The following IL4R variants were observed in gnomAD, a reference collection of about 807,000 sequenced individuals.
IL4R encodes the protein interleukin 4 receptor, also known as interleukin-4 receptor subunit alpha.
Under a neutral mutation model 41.5 loss-of-function variants are expected in IL4R, and 17 were observed. The observed-to-expected ratio is 0.41, with a 90% CI of 0.28 to 0.61. The LOEUF (loss-of-function observed/expected upper bound fraction) is 0.61, where lower values mean the gene tolerates loss of function less well. IL4R is among the 20% of genes least tolerant of loss of function. IL4R has a pLI of 0.31. For synonymous variants in IL4R, 402 were observed against 422.9 expected, an observed-to-expected ratio of 0.95 and a Z score of 0.61; for missense variants, 974 against 1,043.1, an observed-to-expected ratio of 0.93 and a Z score of 0.91.
At position 27,360,775 on chromosome 16, in the gene IL4R, T is replaced by G; in HGVS notation, c.859T>G (p.Trp287Gly). ...TGTCTCTGTATTTTAGGGGTCACAG[T>G]GGGAGAAGCGGTCCCGAGGCCAGGA... The part of the protein sequence containing the change: ...IIIQDAQGSQ[W>G]EKRSRGQEPA... The change falls in exon 10 of 11, where the codon TGG becomes GGG. Residue 287 changes from tryptophan (W) to glycine (G), a missense_variant. By Grantham distance (184) the Trp-to-Gly change is radical (BLOSUM62 -2). Around this residue, in one of 3 missense-constraint regions of IL4R, gnomAD observed 682 missense variants for 704.3 expected, o/e 0.97. Transcript: ENST00000395762. The G allele has an allele frequency of 6.2e-7, 1 of 1,614,034 alleles. No individual in the cohort carries two copies. The highest frequency in any genetic ancestry group is 8.5e-7 in the Non-Finnish European group (1 of 1,180,004).
At chr16:27,361,753 C>G (rs1339705710) in intron 10 of IL4R, among the ~76,000 whole-genome samples, 1 of 151,620 alleles carries the variant, frequency 6.6e-6, no homozygotes, top group Non-Finnish European at 1.5e-5. Context: ...TACAGTCATA[C>G]ACCAACATGC....
At chr16:27,334,657 G>T (rs1052809372) in intron 2 of IL4R, among the ~76,000 whole-genome samples, 1 of 152,116 alleles carries the variant, frequency 6.6e-6, no homozygotes, top group African/African-American at 2.4e-5. Flanking sequence ...GTGGGCATCT[G>T]TGTAGTTGTG....
At chr16:27,361,745 C>T (rs894396373) in intron 10 of IL4R, among the ~76,000 whole-genome samples, 4 of 151,426 alleles carry the variant, frequency 2.6e-5, no homozygotes, top group Middle Eastern at 3.2e-3. Context: ...GCTGGGACTA[C>T]AGTCATACAC....
At chr16:27,355,605 A>AG in intron 7 of IL4R, 1 of 526,240 alleles carries the variant, frequency 1.9e-6, no homozygotes, top group Non-Finnish European at 3.4e-6. Context: ...TTGGAGGAGC[A>AG]GGGGGCAATG....
intron 2 of IL4R, among the ~76,000 whole-genome samples, chr16:27,334,964 C>G (rs1262138923): frequency 6.6e-6 from 1 of 152,158 alleles, no homozygotes; most frequent in Non-Finnish European, 1.5e-5. Context: ...GGGACAGACC[C>G]TGGCTGTCAG....
At chr16:27,342,380 T>G in intron 4 of IL4R, 121 bp downstream of exon 4, 1 of 1,230,094 alleles carries the variant, frequency 8.1e-7, no homozygotes, top group Admixed American at 1.9e-5. Flanking sequence ...TGCTGCTGTT[T>G]ATATGGTGTT....
At chr16:27,351,829 AAAAC>A (rs376614079) in intron 6 of IL4R, among the ~76,000 whole-genome samples, 19 of 152,272 alleles carry the variant, frequency 1.2e-4, no homozygotes, top group African/African-American at 2.4e-4. Context: ...CTCTCTTTAA[AAAAC>A]AAACAAACAA....
chr16:27,338,560 G>A (rs1162688905), intron 2 of IL4R, among the ~76,000 whole-genome samples: 1 of 152,016 alleles, frequency 6.6e-6, no homozygotes, highest in Non-Finnish European at 1.5e-5. Flanking sequence ...GGTGCTATGG[G>A]CTGAATGTGT....
At chr16:27,329,416 C>CTT (rs2085051735) in intron 1 of IL4R, among the ~76,000 whole-genome samples, 1 of 152,124 alleles carries the variant, frequency 6.6e-6, no homozygotes, top group Admixed American at 6.6e-5. Context: ...GTGGCTCATG[C>CTT]CTGTAATCCC....
rs766606481 is a variant in IL4R, at chr16:27,358,963, G to T, written c.818G>T (p.Arg273Leu). ...CAGATTCCCAACCCAGCCCGCAGCCGCCTCGTGGCTATAATAATCCAGGAT... is the reference window on the plus strand; with the variant it reads ...CAGATTCCCAACCCAGCCCGCAGCCTCCTCGTGGCTATAATAATCCAGGAT... ...WDQIPNPARS[R>L]LVAIIIQDAQ... Residue 273 changes from arginine (R) to leucine (L), a missense_variant, in exon 9 of 11, where the codon CGC (arginine) becomes CTC (leucine). Around this residue, in one of 3 missense-constraint regions of IL4R, gnomAD observed 682 missense variants for 704.3 expected, o/e 0.97. Transcript: ENST00000395762. 6.2e-7 allele frequency: 1 copy of T among 1,613,658 alleles called. No individual in the cohort carries two copies. Among genetic ancestry groups the T allele is most frequent in the Non-Finnish European group, 8.5e-7 (1 of 1,179,708 alleles).
rs758287397 is a variant in IL4R at position 27,352,584 on chromosome 16, C to T, written c.558C>T (p.Ile186=). 1.4e-5 allele frequency: 22 copies of T among 1,614,046 alleles called. No individual in the cohort carries two copies. The highest frequency in any genetic ancestry group is 1.6e-4 in the Middle Eastern group (1 of 6,084). The change falls in exon 7 of 11, where the codon ATC becomes ATT. Residue 186 remains isoleucine, a synonymous_variant. Coordinates refer to ENST00000395762, the MANE Select transcript of IL4R (RefSeq NM_000418.4). ...CCTACCTAGAACCCTCCCTCCGCAT[C>T]GCAGCCAGCACCCTGAAGTCTGGGA... is the stretch of plus-strand genomic sequence containing the variant. ...NVTYLEPSLR[I]AASTLKSGIS...
intron 1 of IL4R, among the ~76,000 whole-genome samples, chr16:27,319,719 G>A (rs1444553470): frequency 2.0e-5 from 3 of 152,144 alleles, no homozygotes; most frequent in Admixed American, 6.5e-5. Context: ...GGGTGAGTGA[G>A]CGAAGTTTTA....
chr16:27,359,463 G>C (rs2086206342), intron 9 of IL4R, among the ~76,000 whole-genome samples: 1 of 152,200 alleles, frequency 6.6e-6, no homozygotes, highest in Admixed American at 6.5e-5. Context: ...GGTGGAGTCA[G>C]CTTCCCCAAG....
intron 10 of IL4R, among the ~76,000 whole-genome samples, chr16:27,361,628 T>G (rs1278080335): frequency 1.3e-5 from 2 of 149,426 alleles, no homozygotes; most frequent in African/African-American, 5.0e-5. Flanking sequence ...TTTTTTTTTT[T>G]TTTTGGACGC....
chr16:27,316,231 G>GT (rs1163283556), intron 1 of IL4R, among the ~76,000 whole-genome samples: 1 of 152,130 alleles, frequency 6.6e-6, no homozygotes, highest in Non-Finnish European at 1.5e-5. Flanking sequence ...TTAGCCAGGC[G>GT]TGGTAGCAGG....
intron 1 of IL4R, among the ~76,000 whole-genome samples, chr16:27,328,204 T>TAAAAAAAA (rs1405320061): frequency 1.7e-5 from 1 of 58,216 alleles, no homozygotes; most frequent in East Asian, 1.2e-3. Flanking sequence ...AGGCTCCATC[T>TAAAAAAAA]CAAAAAAAAA....
chr16:27,318,269 G>T (rs1471500952), intron 1 of IL4R, among the ~76,000 whole-genome samples: 1 of 152,164 alleles, frequency 6.6e-6, no homozygotes, highest in African/African-American at 2.4e-5. Flanking sequence ...TATACAAGGT[G>T]ACCTTTCTAC....
chr16:27,336,890 C>T (rs2085276990), intron 2 of IL4R, among the ~76,000 whole-genome samples: 1 of 151,782 alleles, frequency 6.6e-6, no homozygotes, highest in Admixed American at 6.6e-5. Context: ...ACCAGCCTGA[C>T]CAGCATGGAG....
At chr16:27,337,500 G>A (rs967166591) in intron 2 of IL4R, among the ~76,000 whole-genome samples, 10 of 152,122 alleles carry the variant, frequency 6.6e-5, no homozygotes, top group Admixed American at 4.6e-4. Context: ...AGACCCAAGC[G>A]GGAAGTGAAG....
Sources: gnomAD v4.1 joint callset for allele counts (sites outside exome capture counted in the v4.1 genomes callset) on GRCh38, gnomAD v4.1.1 for gene constraint, gnomAD v4.1.1 regional missense constraint, MANE v1.5 for transcripts, NCBI Gene and HGNC (gene_info 2026-07-23, HGNC 2026-07-21) for gene names.